The following DNAJC1 variants were observed in gnomAD, a reference collection of about 807,000 sequenced individuals.
The protein encoded by DNAJC1 is DnaJ heat shock protein family (Hsp40) member C1, also known as dnaJ homolog subfamily C member 1.
In DNAJC1, 58 loss-of-function variants were observed where a neutral mutation model predicts 76.6. The observed-to-expected ratio is 0.76, with a 90% CI of 0.61 to 0.94. The LOEUF (loss-of-function observed/expected upper bound fraction) is 0.94. Ranked by LOEUF, DNAJC1 falls within the 40% of genes least tolerant of loss-of-function variation. The pLI, the probability that DNAJC1 is intolerant of heterozygous loss-of-function variation, is 0.00. For synonymous variants in DNAJC1, 258 were observed against 267.9 expected (o/e 0.96, Z 0.36); for missense variants, 689 against 677.3 (o/e 1.02, Z -0.19).
chr10:21,835,644 G>C (rs1357358143), intron 8 of DNAJC1, among the ~76,000 whole-genome samples: 3 of 152,218 alleles, frequency 2.0e-5, no homozygotes, highest in Non-Finnish European at 4.4e-5. Context: ...ACCTGATGGA[G>C]CTGAAAACCA....
intron 1 of DNAJC1, among the ~76,000 whole-genome samples, chr10:21,960,128 T>C (rs568821861): frequency 1.3e-5 from 2 of 152,324 alleles, no homozygotes; most frequent in East Asian, 1.9e-4. Context: ...CAGCACAGCA[T>C]AGAGATTAAA....
chr10:22,000,041 A>G (rs1189258841), intron 1 of DNAJC1, among the ~76,000 whole-genome samples: 2 of 152,186 alleles, frequency 1.3e-5, no homozygotes, highest in African/African-American at 2.4e-5. Context: ...CCAGGCTCCT[A>G]GTCCAGGTTT....
chr10:21,842,689 A>G (rs1835592930), intron 8 of DNAJC1, among the ~76,000 whole-genome samples: 1 of 152,220 alleles, frequency 6.6e-6, no homozygotes, highest in Non-Finnish European at 1.5e-5. Context: ...TGGCAGGAGT[A>G]AATATGGAGG....
chr10:21,860,521 G>A (rs1166741491), intron 8 of DNAJC1, among the ~76,000 whole-genome samples: 3 of 151,882 alleles, frequency 2.0e-5, no homozygotes, highest in African/African-American at 4.8e-5. Context: ...GTGAAACCCC[G>A]TCTCTACTAA....
intron 10 of DNAJC1, among the ~76,000 whole-genome samples, chr10:21,765,685 A>G (rs1464069435): frequency 6.6e-6 from 1 of 152,110 alleles, no homozygotes; most frequent in Non-Finnish European, 1.5e-5. Flanking sequence ...TCTCTACTAA[A>G]AATACAAAAA....
chr10:21,824,670 C>T (rs531050716), intron 8 of DNAJC1, among the ~76,000 whole-genome samples: 2 of 152,282 alleles, frequency 1.3e-5, no homozygotes, highest in African/African-American at 2.4e-5. Flanking sequence ...CCACTTCCTA[C>T]CCAGTTCACA....
At chr10:21,983,809 G>A (rs530657489) in intron 1 of DNAJC1, among the ~76,000 whole-genome samples, 13 of 152,096 alleles carry the variant, frequency 8.5e-5, no homozygotes, top group Admixed American at 2.0e-4. Context: ...TCGGTGCAGA[G>A]TTTCTGTTTG....
At chr10:21,807,653 T>A (rs998788958) in intron 8 of DNAJC1, among the ~76,000 whole-genome samples, 1 of 152,188 alleles carries the variant, frequency 6.6e-6, no homozygotes, top group African/African-American at 2.4e-5. Flanking sequence ...AGTCAGTAAA[T>A]AATAGCCAAT....
chr10:22,003,669 A>G lies in DNAJC1; in HGVS notation c.-235T>C. On this transcript the variant is annotated 5_prime_UTR_variant, in exon 1 of 12. Transcript: ENST00000376980. ...CCGCAGCCAGCGCTACGTTCCGAAGACCCTCGCCCCCAGGCCTACACACAG... is the reference window on the plus strand; with the variant it reads ...CCGCAGCCAGCGCTACGTTCCGAAGGCCCTCGCCCCCAGGCCTACACACAG... The G allele has an allele frequency of 1.4e-5, 6 of 418,016 alleles. No homozygotes were observed. The allele number at this position is 418,016 out of a possible 1,614,324, so 25.9% of individuals were successfully genotyped here. A position where few individuals can be genotyped will look rare whatever the true frequency, so the allele number is the denominator to read the frequency against.
At chr10:21,979,726 C>T (rs868145228) in intron 1 of DNAJC1, among the ~76,000 whole-genome samples, 93 of 145,276 alleles carry the variant, frequency 6.4e-4, no homozygotes, top group African/African-American at 2.2e-3. Flanking sequence ...TTTTTTTTTT[C>T]ACCATGGCTT....
intron 9 of DNAJC1, among the ~76,000 whole-genome samples, chr10:21,803,423 A>C (rs1218670363): frequency 1.3e-5 from 2 of 152,184 alleles, no homozygotes; most frequent in South Asian, 4.1e-4. Context: ...CCATAAGCCA[A>C]AAGGAGGCAC....
chr10:21,757,795 G>C (rs984402387), intron 11 of DNAJC1, among the ~76,000 whole-genome samples: 1 of 152,170 alleles, frequency 6.6e-6, no homozygotes, highest in Non-Finnish European at 1.5e-5. Context: ...GCCCTGCCTC[G>C]CTCTCAAGTC....
chr10:21,856,026 A>G (rs932017791), intron 8 of DNAJC1, among the ~76,000 whole-genome samples: 2 of 152,238 alleles, frequency 1.3e-5, no homozygotes, highest in African/African-American at 4.8e-5. Flanking sequence ...AATAATCTAC[A>G]TAACTATTTA....
At chr10:21,799,325 G>A (rs998230079) in intron 9 of DNAJC1, among the ~76,000 whole-genome samples, 3 of 151,596 alleles carry the variant, frequency 2.0e-5, no homozygotes, top group Admixed American at 6.6e-5. Flanking sequence ...TTGAGACAGG[G>A]GCTCACTCTA....
intron 8 of DNAJC1, among the ~76,000 whole-genome samples, chr10:21,869,012 A>G (rs1836056097): frequency 6.6e-6 from 1 of 152,062 alleles, no homozygotes; most frequent in African/African-American, 2.4e-5. Flanking sequence ...TTTTGTCCCC[A>G]AATACATTTA....
At chr10:21,861,648 G>A (rs1358205345) in intron 8 of DNAJC1, among the ~76,000 whole-genome samples, 1 of 151,986 alleles carries the variant, frequency 6.6e-6, no homozygotes, top group East Asian at 1.9e-4. Flanking sequence ...AAAGCCGCCG[G>A]CCAAAACCCA....
At chr10:21,889,072 G>C (rs539183184) in intron 7 of DNAJC1, among the ~76,000 whole-genome samples, 1 of 152,138 alleles carries the variant, frequency 6.6e-6, no homozygotes, top group East Asian at 1.9e-4. Context: ...AAAGAAAAGA[G>C]GTTTAAGTGG....
At chr10:21,862,637 CAG>C (rs1002337900) in intron 8 of DNAJC1, among the ~76,000 whole-genome samples, 13 of 151,524 alleles carry the variant, frequency 8.6e-5, no homozygotes, top group Admixed American at 2.6e-4. Flanking sequence ...CTATGTTGGC[CAG>C]GCTGGTCTCG....
intron 3 of DNAJC1, among the ~76,000 whole-genome samples, chr10:21,922,753 G>C (rs1044112502): frequency 6.6e-6 from 1 of 151,890 alleles, no homozygotes; most frequent in Non-Finnish European, 1.5e-5. Context: ...CTTAAGTCCT[G>C]AATCTATTCT....
Sources: gnomAD v4.1 joint callset for allele counts (sites outside exome capture counted in the v4.1 genomes callset) on GRCh38, gnomAD v4.1.1 for gene constraint, MANE v1.5 for transcripts, NCBI Gene and HGNC (gene_info 2026-07-23, HGNC 2026-07-21) for gene names.